Variants in AKAP13 observed in about 807,000 individuals in gnomAD.
The protein encoded by AKAP13 is A-kinase anchoring protein 13.
A neutral mutation model predicts 264.5 loss-of-function variants in AKAP13; 80 were observed. The ratio of observed to expected loss-of-function variants is 0.30; its 90% CI spans 0.25 to 0.36. The LOEUF is 0.36. Ranked by LOEUF, AKAP13 falls within the 10% of genes least tolerant of loss-of-function variation. The probability of loss-of-function intolerance (pLI) is 1.00; values close to 1 mark genes in which losing one functional copy is unlikely to be tolerated. For missense variants in AKAP13, 3,712 were observed against 3,435.2 expected, an observed-to-expected ratio of 1.08 and a Z score of -2.01; for synonymous variants, 1,380 against 1,250.2, an observed-to-expected ratio of 1.10 and a Z score of -2.19.
chr15:85,477,400 A>C (rs960558421), intron 1 of AKAP13, among the ~76,000 whole-genome samples: 2 of 151,930 alleles, frequency 1.3e-5, no homozygotes, highest in African/African-American at 4.8e-5. Context: ...ATTGGGATTA[A>C]GAAACTCCAG....
intron 8 of AKAP13, among the ~76,000 whole-genome samples, chr15:85,600,900 G>T (rs2080031321): frequency 6.6e-6 from 1 of 152,116 alleles, no homozygotes; most frequent in Non-Finnish European, 1.5e-5. Flanking sequence ...TACAATTATT[G>T]GAACATTTCC....
At chr15:85,605,496 G>T (rs1281867731) in intron 8 of AKAP13, among the ~76,000 whole-genome samples, 3 of 152,172 alleles carry the variant, frequency 2.0e-5, no homozygotes, top group African/African-American at 7.2e-5. Flanking sequence ...AGGTGGGAAA[G>T]CATCAGGATA....
intron 8 of AKAP13, among the ~76,000 whole-genome samples, chr15:85,634,111 C>G (rs557430081): frequency 1.2e-4 from 18 of 152,274 alleles, no homozygotes; most frequent in East Asian, 3.9e-4. Flanking sequence ...TTTTTGCTCT[C>G]TGTAATAGTA....
chr15:85,498,296 T>C (rs866128010), intron 2 of AKAP13, among the ~76,000 whole-genome samples: 24 of 151,468 alleles, frequency 1.6e-4, no homozygotes, highest in Middle Eastern at 6.8e-3. Context: ...ACCCCCGTTA[T>C]TTTGACATAG....
At chr15:85,539,878 T>G (rs1249132055) in intron 4 of AKAP13, among the ~76,000 whole-genome samples, 3 of 152,144 alleles carry the variant, frequency 2.0e-5, no homozygotes, top group African/African-American at 4.8e-5. Context: ...AGTATTCAGA[T>G]GGAAGATTTT....
In AKAP13 at chr15:85,580,387, G is replaced by A. The variant is rs115881539; in HGVS notation, c.2319G>A (p.Leu773=). 1.1e-5 allele frequency: 18 copies of A among 1,614,216 alleles called. No homozygotes were observed. The African/African-American group carries it at 2.0e-4, about 18-fold the overall frequency. Residue 773 remains leucine, a synonymous_variant, in exon 7 of 37, where the codon CTG becomes CTA. Coordinates refer to ENST00000394518, the MANE Select transcript of AKAP13 (RefSeq NM_007200.5). ...HPVVPKMEKE[L]VPDQAVISDS... ...TTGTCCCTAAAATGGAGAAAGAACT[G>A]GTGCCAGACCAGGCAGTAATATCAG...
chr15:85,724,654 G>A lies in AKAP13; in HGVS notation c.6745+1334G>A, dbSNP rs1191341394. Among the ~76,000 whole-genome samples the A allele has an allele frequency of 6.6e-6, 1 of 151,580 alleles. No individual in the cohort carries two copies. The highest frequency in any genetic ancestry group is 2.4e-5 in the African/African-American group (1 of 41,218). ...ACTATTGATGAGGGAAGGGGGCAAAGAATGGGTTCAAAAACGAGAACGGCA... is the reference window on the plus strand; with the variant it reads ...ACTATTGATGAGGGAAGGGGGCAAAAAATGGGTTCAAAAACGAGAACGGCA... On this transcript the variant is annotated intron_variant, in intron 26 of 36. Coordinates refer to ENST00000394518, the MANE Select transcript of AKAP13 (RefSeq NM_007200.5). The surrounding 1 kb of genome is among the most constrained non-coding windows in gnomAD (Gnocchi z 4.2).
intron 12 of AKAP13, among the ~76,000 whole-genome samples, chr15:85,659,699 A>G (rs906398586): frequency 1.3e-5 from 2 of 151,180 alleles, no homozygotes; most frequent in African/African-American, 4.9e-5. Context: ...GAGACGACAG[A>G]TTGCTGGATG....
intron 1 of AKAP13, among the ~76,000 whole-genome samples, chr15:85,396,728 G>A (rs140420075): frequency 3.9e-5 from 6 of 152,240 alleles, no homozygotes; most frequent in Admixed American, 3.3e-4. Context: ...AAGCAAATGA[G>A]TGCTGAGTAG....
In AKAP13 at chr15:85,580,815, T is replaced by C; in HGVS notation, c.2747T>C (p.Val916Ala). 1 of 1,614,110 alleles carries C rather than the reference T, an allele frequency of 6.2e-7. No individual in the cohort carries two copies. The highest frequency in any genetic ancestry group is 8.5e-7 in the Non-Finnish European group (1 of 1,180,038). Residue 916 changes from valine to alanine, a missense_variant, in exon 7 of 37, where the codon GTG becomes GCG. Transcript: ENST00000394518. ...SVLTEEGKLL[V>A]VSESSAAQEQ... ...TTGACTGAAGAAGGAAAACTTCTGGTGGTTTCAGAAAGCTCTGCAGCTCAG... is the reference window on the plus strand; with the variant it reads ...TTGACTGAAGAAGGAAAACTTCTGGCGGTTTCAGAAAGCTCTGCAGCTCAG...
intron 2 of AKAP13, among the ~76,000 whole-genome samples, chr15:85,487,395 G>T (rs1297971291): frequency 6.6e-6 from 1 of 152,124 alleles, no homozygotes; most frequent in Admixed American, 6.5e-5. Flanking sequence ...TTAGGTGTGG[G>T]TTTTTCACAG....
rs1205001271 is a variant in AKAP13, at chr15:85,562,592, T to A, written c.663-12539T>A. Among the ~76,000 whole-genome samples, 207 of 126,414 alleles carry A rather than the reference T, an allele frequency of 1.6e-3. 3 individuals carry two copies. Among genetic ancestry groups the A allele is most frequent in the East Asian group, 6.0e-3 (25 of 4,140 alleles). 82.9% of individuals were successfully genotyped at this position (126,414 alleles called of 152,430 possible). The stretch of plus-strand genomic sequence containing the variant: ...AAAAAAAAATATATATATATATATA[T>A]ATATATATATATATCTCTGTCCTTA... On this transcript the variant is annotated intron_variant, in intron 5 of 36. Coordinates refer to ENST00000394518, the MANE Select transcript of AKAP13 (RefSeq NM_007200.5).
At position 85,717,294 on chromosome 15, in the gene AKAP13, G is replaced by A; in HGVS notation, c.5740G>A (p.Gly1914Ser). The A allele has an allele frequency of 6.2e-7, 1 of 1,603,676 alleles. No homozygotes were observed. The highest frequency in any genetic ancestry group is 8.5e-7 in the Non-Finnish European group (1 of 1,175,732). Residue 1914 changes from glycine to serine, a missense_variant, in exon 21 of 37, where the codon GGC becomes AGC. Around this residue, in one of 3 missense-constraint regions of AKAP13, gnomAD observed 2,759 missense variants for 2,411.7 expected, o/e 1.14. Coordinates refer to ENST00000394518, the MANE Select transcript of AKAP13 (RefSeq NM_007200.5). ...SVSIQNITGVGNDENMSNTWK... is the reference protein window; with the variant it reads ...SVSIQNITGVSNDENMSNTWK... ...GTATTTTTCTTTTGTCCCCAGAGTT[G>A]GCAATGATGAGAACATGTCAAACAC... is the stretch of plus-strand genomic sequence containing the variant.
At chr15:85,702,362 T>A (rs934410540) in intron 17 of AKAP13, 5 of 152,182 alleles carry the variant, frequency 3.3e-5, no homozygotes, top group Admixed American at 1.3e-4. Context: ...TTCAGCTTCC[T>A]GAAGAAGCTG....
At chr15:85,689,486 G>A (rs2085146133) in intron 16 of AKAP13, among the ~76,000 whole-genome samples, 1 of 152,120 alleles carries the variant, frequency 6.6e-6, no homozygotes, top group Admixed American at 6.5e-5. Flanking sequence ...GTTGTTACCT[G>A]CATCTATCCC....
intron 9 of AKAP13, among the ~76,000 whole-genome samples, chr15:85,645,348 G>A (rs1402588514): frequency 6.6e-6 from 1 of 151,994 alleles, no homozygotes; most frequent in Non-Finnish European, 1.5e-5. Context: ...AGCTATTTAT[G>A]GTAAGAAAAG....
chr15:85,406,077 C>G (rs2071646903), intron 1 of AKAP13, among the ~76,000 whole-genome samples: 1 of 152,184 alleles, frequency 6.6e-6, no homozygotes, highest in Non-Finnish European at 1.5e-5. Context: ...GTTTCAAACT[C>G]CTGGCCTCAA....
rs753981049 is a variant in AKAP13 at position 85,693,460 on chromosome 15, C to T, written c.5464+9C>T. ...TGCCTATACTTGTGCAAGTAAGAGACATGCTTCTTCCTCTCGTAAGATGGA... is the reference window on the plus strand; with the variant it reads ...TGCCTATACTTGTGCAAGTAAGAGATATGCTTCTTCCTCTCGTAAGATGGA... On this transcript the variant is annotated intron_variant, in intron 17 of 36. Transcript: ENST00000394518. 6 of 1,610,380 alleles carry T rather than the reference C, an allele frequency of 3.7e-6. No individual in the cohort carries two copies. The highest frequency in any genetic ancestry group is 1.7e-4 in the Middle Eastern group (1 of 6,056).
chr15:85,527,017 C>T lies in AKAP13; in HGVS notation c.181+5442C>T, dbSNP rs866591862. Among the ~76,000 whole-genome samples the T allele has an allele frequency of 3.3e-4, 49 of 150,272 alleles. No homozygotes were observed. The Middle Eastern group carries it at 0.014, about 43-fold the overall frequency. The stretch of plus-strand genomic sequence containing the variant: ...TCGCCCAGGCTGGAGTGCAGTGGCG[C>T]GATCTCTGCTCACTGCAAGCTCCGC... On this transcript the variant is annotated intron_variant, in intron 3 of 36. Transcript: ENST00000394518.
Sources: gnomAD v4.1 joint callset for allele counts (sites outside exome capture counted in the v4.1 genomes callset) on GRCh38, gnomAD v4.1.1 for gene constraint, gnomAD v4.1.1 regional missense constraint, Gnocchi (gnomAD v3.1) non-coding constraint, MANE v1.5 for transcripts, NCBI Gene and HGNC (gene_info 2026-07-23, HGNC 2026-07-21) for gene names.